Variants in TTBK2 observed in about 807,000 individuals in gnomAD.
TTBK2 encodes the protein tau-tubulin kinase 2.
Under a neutral mutation model 110.8 loss-of-function variants are expected in TTBK2, and 28 were observed. The observed-to-expected ratio is 0.25, with a 90% CI of 0.19 to 0.35. The LOEUF is 0.35. Ranked by LOEUF, TTBK2 falls within the 10% of genes least tolerant of loss-of-function variation. The pLI, the probability that TTBK2 is intolerant of heterozygous loss-of-function variation, is 1.00. For missense variants in TTBK2, 1,369 were observed against 1,500.3 expected (o/e 0.91, Z 1.45); for synonymous variants, 532 against 527.3 (o/e 1.01, Z -0.12).
intron 6 of TTBK2, among the ~76,000 whole-genome samples, chr15:42,823,081 T>C (rs1206485918): frequency 6.6e-6 from 1 of 152,214 alleles, no homozygotes; most frequent in African/African-American, 2.4e-5. Flanking sequence ...AATTCTGAAA[T>C]ACTAACAGAG....
Position 42,903,081 on chromosome 15 carries a change from G to A in TTBK2, c.-68+17357C>T, listed in dbSNP as rs567155071. On this transcript the variant is annotated intron_variant, in intron 1 of 14. Coordinates refer to ENST00000267890, the MANE Select transcript of TTBK2 (RefSeq NM_173500.4). ...CTCGCTCTGTTGCCCAGGCTCTGTC[G>A]CCCATGAGCCACCGTGCCCGGCTGG... Among the ~76,000 whole-genome samples the A allele has an allele frequency of 2.2e-3, 340 of 151,258 alleles. 1 individual carries two copies. The highest frequency in any genetic ancestry group is 3.7e-3 in the Non-Finnish European group (254 of 67,870).
rs372366871 is a variant in TTBK2 at position 42,874,608 on chromosome 15, C to T, written c.70-1850G>A. On this transcript the variant is annotated intron_variant, in intron 2 of 14. Transcript: ENST00000267890. ...CTGGGATTCCAGGCGTGAGCCACCA[C>T]ACCCGGCCGATCCTGCTTTATTTTC... is the stretch of plus-strand genomic sequence containing the variant. Among the ~76,000 whole-genome samples the T allele has an allele frequency of 1.1e-3, 173 of 151,940 alleles. 4 individuals are homozygous for T. The South Asian group carries it at 0.035, about 31-fold the overall frequency.
intron 1 of TTBK2, among the ~76,000 whole-genome samples, chr15:42,910,288 A>C (rs954647810): frequency 1.5e-4 from 23 of 152,096 alleles, no homozygotes; most frequent in African/African-American, 5.6e-4. Context: ...AAAGCCAGCT[A>C]ACCTGTGAGT....
chr15:42,884,139 A>G (rs1003606835), intron 1 of TTBK2, among the ~76,000 whole-genome samples: 13 of 152,218 alleles, frequency 8.5e-5, no homozygotes, highest in Non-Finnish European at 1.2e-4. Context: ...CTGAAAGGAG[A>G]AACAGACAAA....
At chr15:42,802,749 T>C (rs946733020) in intron 9 of TTBK2, among the ~76,000 whole-genome samples, 4 of 152,148 alleles carry the variant, frequency 2.6e-5, no homozygotes, top group East Asian at 1.9e-4. Flanking sequence ...GAGTGTCAAA[T>C]TGACTGGATT....
At chr15:42,851,545 G>T (rs1893712733) in intron 3 of TTBK2, among the ~76,000 whole-genome samples, 1 of 152,128 alleles carries the variant, frequency 6.6e-6, no homozygotes, top group African/African-American at 2.4e-5. Context: ...AAGGGACACA[G>T]TGAGTTGCAG....
At chr15:42,815,016 T>A (rs768829528) in intron 7 of TTBK2, among the ~76,000 whole-genome samples, 2 of 152,204 alleles carry the variant, frequency 1.3e-5, no homozygotes, top group Non-Finnish European at 2.9e-5. Flanking sequence ...AAAATGCTTA[T>A]GTAGCTATTA....
chr15:42,798,356 C>T (rs1356127505), intron 9 of TTBK2: 2 of 453,984 alleles, frequency 4.4e-6, no homozygotes, highest in African/African-American at 4.0e-5. Flanking sequence ...CATATCTCTT[C>T]ATTGGTAATC....
chr15:42,816,699 C>T lies in TTBK2; in HGVS notation c.603+333G>A, dbSNP rs1012158142. On this transcript the variant is annotated intron_variant, in intron 7 of 14. Transcript: ENST00000267890. ...ACCTTGGGAGGCTGAGGCAGGTGATCATGAGGCTAGGAGTTTGAGACCAGC... is the reference window on the plus strand; with the variant it reads ...ACCTTGGGAGGCTGAGGCAGGTGATTATGAGGCTAGGAGTTTGAGACCAGC... Among the ~76,000 whole-genome samples the T allele has an allele frequency of 3.3e-5, 5 of 151,904 alleles. No individual in the cohort carries two copies. In the South Asian group the frequency reaches 6.2e-4, roughly 19 times the overall value.
chr15:42,860,673 T>C (rs1038969660), intron 3 of TTBK2, among the ~76,000 whole-genome samples: 1 of 148,322 alleles, frequency 6.7e-6, no homozygotes, highest in African/African-American at 2.5e-5. Context: ...AGATGGCATT[T>C]AGTGCTACAC....
Position 42,743,080 on chromosome 15 carries a change from T to C in TTBK2, c.*2715A>G, listed in dbSNP as rs2061760321. ...AGTAAATCTCTACATAGGACAATACTTATAAGCAGACCTATTGATACCACT... is the reference window on the plus strand; with the variant it reads ...AGTAAATCTCTACATAGGACAATACCTATAAGCAGACCTATTGATACCACT... On this transcript the variant is annotated 3_prime_UTR_variant, in exon 15 of 15. Transcript: ENST00000267890. The C allele has an allele frequency of 6.6e-6, 1 of 152,224 alleles. No individual in the cohort carries two copies. The highest frequency in any genetic ancestry group is 2.1e-4 in the South Asian group (1 of 4,828). The allele number at this position is 152,224 out of a possible 1,614,324, so 9.4% of individuals were successfully genotyped here.
intron 14 of TTBK2, among the ~76,000 whole-genome samples, chr15:42,749,172 T>C (rs1311873784): frequency 1.3e-5 from 2 of 152,198 alleles, no homozygotes; most frequent in Admixed American, 6.5e-5. Context: ...AGCAAATATT[T>C]TGCCCACTCC....
chr15:42,746,046 G>A lies in TTBK2; in HGVS notation c.3484C>T (p.Arg1162Cys), dbSNP rs200437800. Residue 1162 changes from arginine to cysteine, a missense_variant, in exon 15 of 15, where the codon CGC becomes TGC. Transcript: ENST00000267890. ...SASPRSSSLP[R>C]TSSSSPSRAG... is the part of the protein sequence containing the mutation. ...CTAGATGGTGAGGAACTAGACGTGC[G>A]AGGCAAGGATGAGCTTCGAGGAGAG... is the stretch of plus-strand genomic sequence containing the variant. The A allele has an allele frequency of 7.8e-5, 126 of 1,614,124 alleles. No individual in the cohort carries two copies. Among genetic ancestry groups the A allele is most frequent in the Non-Finnish European group, 1.0e-4 (118 of 1,180,022 alleles).
intron 1 of TTBK2, among the ~76,000 whole-genome samples, chr15:42,912,953 G>T (rs553379507): frequency 6.7e-6 from 1 of 148,560 alleles, no homozygotes; most frequent in Admixed American, 6.7e-5. Context: ...GTGAAACCCC[G>T]TCTCTACTAA....
At chr15:42,827,839 G>A in intron 6 of TTBK2, 89 bp downstream of exon 6, 1 of 1,018,776 alleles carries the variant, frequency 9.8e-7, no homozygotes, top group South Asian at 1.4e-5. Flanking sequence ...ACATCCATTA[G>A]GATAAATAAT....
At chr15:42,850,876 C>A (rs992947005) in intron 3 of TTBK2, among the ~76,000 whole-genome samples, 6 of 151,672 alleles carry the variant, frequency 4.0e-5, no homozygotes, top group Non-Finnish European at 8.8e-5. Context: ...GCAGGAATTA[C>A]CCAAAGTGTG....
At chr15:42,811,654 C>T (rs1276965836) in intron 8 of TTBK2, 34 bp downstream of exon 8, 2 of 1,564,170 alleles carry the variant, frequency 1.3e-6, no homozygotes, top group Admixed American at 3.3e-5. Flanking sequence ...TTTATTTCTT[C>T]TACCACAATT....
At chr15:42,843,486 C>T (rs1385060305) in intron 3 of TTBK2, among the ~76,000 whole-genome samples, 2 of 152,036 alleles carry the variant, frequency 1.3e-5, no homozygotes, top group South Asian at 2.1e-4. Flanking sequence ...TCTGGCTGGG[C>T]GCAGTGGCTC....
At chr15:42,831,004 C>T in intron 4 of TTBK2, among the ~76,000 whole-genome samples, 1 of 139,986 alleles carries the variant, frequency 7.1e-6, no homozygotes, top group South Asian at 2.3e-4. Flanking sequence ...GACTCCATCT[C>T]AAAAAAAAAA....
Sources: gnomAD v4.1 joint callset for allele counts (sites outside exome capture counted in the v4.1 genomes callset) on GRCh38, gnomAD v4.1.1 for gene constraint, MANE v1.5 for transcripts, NCBI Gene and HGNC (gene_info 2026-07-23, HGNC 2026-07-21) for gene names.